The following VAV3 variants were observed in gnomAD, a reference collection of about 807,000 sequenced individuals.
The protein encoded by VAV3 is vav guanine nucleotide exchange factor 3, also known as guanine nucleotide exchange factor VAV3.
VAV3 carries 94 observed loss-of-function variants against 131.2 expected under a neutral mutation model. The ratio of observed to expected loss-of-function variants is 0.72; its 90% CI spans 0.61 to 0.85. VAV3 has a LOEUF of 0.85. VAV3 is among the 40% of genes least tolerant of loss of function. VAV3 has a pLI of 0.00. For synonymous variants in VAV3, 349 were observed against 342.0 expected, an observed-to-expected ratio of 1.02 and a Z score of -0.22; for missense variants, 939 against 1,002.7, an observed-to-expected ratio of 0.94 and a Z score of 0.86.
chr1:107,782,338 C>T (rs780943988), intron 2 of VAV3, among the ~76,000 whole-genome samples: 3 of 152,154 alleles, frequency 2.0e-5, no homozygotes, highest in Admixed American at 6.5e-5. Context: ...AACCCCTCCC[C>T]TACACACCGC....
chr1:107,873,868 C>T (rs917545949), intron 2 of VAV3, among the ~76,000 whole-genome samples: 82 of 152,220 alleles, frequency 5.4e-4, no homozygotes, highest in African/African-American at 1.9e-3. Flanking sequence ...CAGGGCCTTC[C>T]CCCACCCCAG....
chr1:107,806,343 C>T (rs766593312), intron 2 of VAV3, among the ~76,000 whole-genome samples: 5 of 152,016 alleles, frequency 3.3e-5, no homozygotes, highest in African/African-American at 1.2e-4. Flanking sequence ...AAGTTATAGT[C>T]TACCATCTGC....
chr1:107,818,300 A>C (rs1667644828), intron 2 of VAV3, among the ~76,000 whole-genome samples: 1 of 152,126 alleles, frequency 6.6e-6, no homozygotes, highest in South Asian at 2.1e-4. Context: ...CAGTATCCAC[A>C]TGGAGCTCTA....
At chr1:107,719,751 C>T (rs144036439) in intron 15 of VAV3, among the ~76,000 whole-genome samples, 94 of 152,248 alleles carry the variant, frequency 6.2e-4, no homozygotes, top group African/African-American at 2.0e-3. Context: ...TATAAAGACA[C>T]ATGAACACAT....
chr1:107,911,441 T>A (rs72983459), intron 1 of VAV3, among the ~76,000 whole-genome samples: 5,006 of 152,258 alleles, frequency 0.033, 205 homozygotes, highest in African/African-American at 0.094. Context: ...AAAAATGCTG[T>A]GTCTCCCATA....
intron 2 of VAV3, among the ~76,000 whole-genome samples, chr1:107,787,242 T>G (rs996899076): frequency 3.3e-5 from 5 of 152,320 alleles, no homozygotes; most frequent in African/African-American, 1.2e-4. Flanking sequence ...TTCTATAAGT[T>G]TCTTGTATTT....
chr1:107,573,285 C>A lies in VAV3; in HGVS notation c.*46G>T. On this transcript the variant is annotated 3_prime_UTR_variant, in exon 27 of 27. Transcript: ENST00000370056. ...CGATGCTGTGCAGGCTTCTATTTAT[C>A]CCTTCTCTGAAATTTTTGGTGCAGG... 1 of 1,606,554 alleles carries A rather than the reference C, an allele frequency of 6.2e-7. No homozygotes were observed. Among genetic ancestry groups the A allele is most frequent in the Non-Finnish European group, 8.5e-7 (1 of 1,176,122 alleles).
rs913725749 is a variant in VAV3, at chr1:107,760,696, A to G, written c.1017+88T>C. 10 of 1,021,300 alleles carry G rather than the reference A, an allele frequency of 9.8e-6. No homozygotes were observed. In the African/African-American group the frequency reaches 1.4e-4, roughly 15 times the overall value. The allele number at this position is 1,021,300 out of a possible 1,614,324, so 63.3% of individuals were successfully genotyped here. A position where few individuals can be genotyped will look rare whatever the true frequency, so the allele number is the denominator to read the frequency against. On this transcript the variant is annotated intron_variant, in intron 10 of 26. Coordinates refer to ENST00000370056, the MANE Select transcript of VAV3 (RefSeq NM_006113.5). ...ATTTTAAGGGGATTGGGCCCAACAC[A>G]TGGAATATCTGCAATGTAGTTGATG... is the stretch of plus-strand genomic sequence containing the variant.
At chr1:107,705,678 A>T (rs1377023323) in intron 15 of VAV3, among the ~76,000 whole-genome samples, 5 of 152,202 alleles carry the variant, frequency 3.3e-5, no homozygotes, top group African/African-American at 1.2e-4. Context: ...TTTGCACACC[A>T]CAAACTAATA....
At chr1:107,730,912 C>T (rs912632108) in intron 15 of VAV3, among the ~76,000 whole-genome samples, 1 of 152,138 alleles carries the variant, frequency 6.6e-6, no homozygotes, top group Non-Finnish European at 1.5e-5. Flanking sequence ...GATGCAAGCT[C>T]AGCTTCTGTC....
Position 107,760,816 on chromosome 1 carries a change from G to A in VAV3, c.985C>T (p.Gln329Ter). The change falls in exon 10 of 27, where the codon CAA becomes TAA. Residue 329 changes from glutamine to a stop codon, truncating the protein, a stop_gained. Coordinates refer to ENST00000370056, the MANE Select transcript of VAV3 (RefSeq NM_006113.5). LOFTEE classifies it high-confidence loss of function. Reference protein sequence around the residue: ...TLRDLLVVPMQRVLKYHLLLQ... With the variant: ...TLRDLLVVPM ...AGAAGGTGGTACTTTAAAACACGTT[G>A]CATAGGAACCACAAGCAAGTCTCGA... The A allele has an allele frequency of 6.2e-7, 1 of 1,613,804 alleles. No individual in the cohort carries two copies. The highest frequency in any genetic ancestry group is 1.7e-5 in the Admixed American group (1 of 60,020).
At chr1:107,901,659 C>T (rs1671860238) in intron 1 of VAV3, among the ~76,000 whole-genome samples, 1 of 152,106 alleles carries the variant, frequency 6.6e-6, no homozygotes, top group African/African-American at 2.4e-5. Context: ...AATATTTTTC[C>T]TTTCAATGTA....
rs368106207 is a variant in VAV3, at chr1:107,577,324, C to T, written c.2351-3126G>A. 1.7e-3 allele frequency among the ~76,000 whole-genome samples: 265 copies of T among 152,336 alleles called. 1 individual carries two copies. The highest frequency in any genetic ancestry group is 6.1e-3 in the African/African-American group (253 of 41,564). The stretch of plus-strand genomic sequence containing the variant: ...GCTGCACTACTGTGCAACTGCCACT[C>T]TGCTTCAGGCACCTCCGCAGGCAGC... On this transcript the variant is annotated intron_variant, in intron 25 of 26. Coordinates refer to ENST00000370056, the MANE Select transcript of VAV3 (RefSeq NM_006113.5).
intron 2 of VAV3, among the ~76,000 whole-genome samples, chr1:107,818,997 A>G (rs1210809649): frequency 2.0e-5 from 3 of 152,198 alleles, no homozygotes; most frequent in African/African-American, 7.2e-5. Context: ...AAAAAGTATC[A>G]ATTTGTAGAG....
intron 24 of VAV3, among the ~76,000 whole-genome samples, chr1:107,598,707 C>T (rs554160664): frequency 6.6e-5 from 10 of 152,034 alleles, no homozygotes; most frequent in South Asian, 4.2e-4. Flanking sequence ...ACATGTTTTG[C>T]GCAGACAAGG....
intron 2 of VAV3, among the ~76,000 whole-genome samples, chr1:107,835,359 C>T (rs374018292): frequency 6.6e-5 from 10 of 152,266 alleles, no homozygotes; most frequent in Non-Finnish European, 1.2e-4. Flanking sequence ...TTGTGGCAAC[C>T]CCCCAGGTTA....
chr1:107,722,760 G>T (rs1415433142), intron 15 of VAV3, among the ~76,000 whole-genome samples: 1 of 151,188 alleles, frequency 6.6e-6, no homozygotes, highest in East Asian at 1.9e-4. Flanking sequence ...GATACCTTGG[G>T]CTTCTTTTTA....
intron 3 of VAV3, among the ~76,000 whole-genome samples, 200 bp from the exon 4 acceptor site, chr1:107,777,496 G>T (rs560825054): frequency 5.0e-4 from 76 of 152,290 alleles, no homozygotes; most frequent in Admixed American, 1.8e-3. Context: ...CCCTAGGGAG[G>T]CTGTAACACC....
chr1:107,629,634 AAAG>A (rs1355520054), intron 20 of VAV3, among the ~76,000 whole-genome samples: 4 of 152,188 alleles, frequency 2.6e-5, no homozygotes, highest in East Asian at 1.9e-4. Flanking sequence ...AGAAGAAGAC[AAAG>A]AAGAAAAGAA....
Sources: gnomAD v4.1 joint callset for allele counts (sites outside exome capture counted in the v4.1 genomes callset) on GRCh38, gnomAD v4.1.1 for gene constraint, MANE v1.5 for transcripts, NCBI Gene and HGNC (gene_info 2026-07-23, HGNC 2026-07-21) for gene names.